TENM4: variants seen among roughly 807,000 people sequenced by gnomAD.
The protein encoded by TENM4 is teneurin transmembrane protein 4.
TENM4 carries 82 observed loss-of-function variants against 243.3 expected under a neutral mutation model. That is an observed-to-expected ratio of 0.34 (90% CI 0.28 to 0.40). The LOEUF (loss-of-function observed/expected upper bound fraction) is 0.40. TENM4 is among the 10% of genes least tolerant of loss of function. The probability of loss-of-function intolerance (pLI) is 1.00; values close to 1 mark genes in which losing one functional copy is unlikely to be tolerated. For synonymous variants in TENM4, 1,412 were observed against 1,456.3 expected (o/e 0.97, Z 0.69); for missense variants, 3,138 against 3,673.3 (o/e 0.85, Z 3.77).
At chr11:78,809,253 C>A (rs1353343161) in intron 14 of TENM4, among the ~76,000 whole-genome samples, 1 of 152,198 alleles carries the variant, frequency 6.6e-6, no homozygotes, top group East Asian at 1.9e-4. Flanking sequence ...TCAGAAGGAA[C>A]TGACGAGAGG....
intron 15 of TENM4, among the ~76,000 whole-genome samples, chr11:78,804,124 T>TTA: frequency 6.6e-6 from 1 of 152,346 alleles, no homozygotes; most frequent in East Asian, 1.9e-4. Context: ...CTCACTTTGT[T>TTA]TAAACAGCGT....
chr11:78,732,869 G>C (rs1168454874), intron 20 of TENM4, among the ~76,000 whole-genome samples: 1 of 152,182 alleles, frequency 6.6e-6, no homozygotes, highest in African/African-American at 2.4e-5. Context: ...GGTGCTGCTG[G>C]TACTTAGGGC....
chr11:79,376,345 G>A (rs924832645), intron 1 of TENM4, among the ~76,000 whole-genome samples: 11 of 152,194 alleles, frequency 7.2e-5, no homozygotes, highest in African/African-American at 2.4e-4. Flanking sequence ...GAAAATGAAC[G>A]ATTGGGCAAC....
At chr11:78,690,410 G>T (rs1858791940) in intron 28 of TENM4, among the ~76,000 whole-genome samples, 1 of 152,124 alleles carries the variant, frequency 6.6e-6, no homozygotes, top group South Asian at 2.1e-4. Context: ...GTTATCTCTG[G>T]GAGGTAGAAT....
chr11:78,964,495 G>A (rs1857399837), intron 6 of TENM4, among the ~76,000 whole-genome samples: 1 of 152,054 alleles, frequency 6.6e-6, no homozygotes, highest in African/African-American at 2.4e-5. Flanking sequence ...ACAACCTCTG[G>A]GTGGCTTCTT....
intron 10 of TENM4, among the ~76,000 whole-genome samples, chr11:78,857,545 T>C (rs1357625805): frequency 6.6e-6 from 1 of 152,198 alleles, no homozygotes; most frequent in Non-Finnish European, 1.5e-5. Flanking sequence ...CCTTATAAAC[T>C]CCTAGGCAGA....
chr11:78,850,970 A>G (rs555428769), intron 12 of TENM4, among the ~76,000 whole-genome samples: 49 of 152,348 alleles, frequency 3.2e-4, no homozygotes, highest in African/African-American at 1.2e-3. Context: ...TCCTTGACAG[A>G]ACACCAGAAT....
chr11:79,399,446 G>A (rs546131080), intron 1 of TENM4, among the ~76,000 whole-genome samples: 10 of 152,294 alleles, frequency 6.6e-5, no homozygotes, highest in African/African-American at 2.4e-4. Flanking sequence ...ACTGGGGAGT[G>A]GGAGAGCAAT....
intron 1 of TENM4, among the ~76,000 whole-genome samples, chr11:79,367,312 C>T (rs1044928256): frequency 2.0e-5 from 3 of 152,182 alleles, no homozygotes; most frequent in East Asian, 3.9e-4. Context: ...CTAGAATCCC[C>T]GATACTCTCA....
intron 33 of TENM4, among the ~76,000 whole-genome samples, chr11:78,661,045 A>G (rs1253983340): frequency 2.0e-5 from 3 of 152,326 alleles, no homozygotes; most frequent in Admixed American, 2.0e-4. Context: ...AATGAGAACA[A>G]TACGGCTGTG....
intron 6 of TENM4, among the ~76,000 whole-genome samples, chr11:79,021,251 CCATT>C (rs1858918769): frequency 6.6e-6 from 1 of 152,208 alleles, no homozygotes; most frequent in Non-Finnish European, 1.5e-5. Context: ...GAGCCATTTA[CCATT>C]CATTCACGGG....
At chr11:78,809,438 A>G (rs1478306801) in intron 14 of TENM4, among the ~76,000 whole-genome samples, 2 of 152,182 alleles carry the variant, frequency 1.3e-5, no homozygotes, top group Non-Finnish European at 2.9e-5. Context: ...CTTGTGCTCT[A>G]CTGATCCTAT....
chr11:79,370,439 T>C (rs1857759625), intron 1 of TENM4, among the ~76,000 whole-genome samples: 2 of 152,212 alleles, frequency 1.3e-5, no homozygotes, highest in African/African-American at 4.8e-5. Context: ...ACTCATTAAC[T>C]ATTCCCTCCA....
In TENM4 at chr11:79,384,585, C is replaced by G. The variant is rs529079624; in HGVS notation, c.-321+55924G>C. On this transcript the variant is annotated intron_variant, in intron 1 of 33. Coordinates refer to ENST00000278550, the MANE Select transcript of TENM4 (RefSeq NM_001098816.3). The stretch of plus-strand genomic sequence containing the variant: ...CTTCTTCCTTCTGACTCTCGGATTT[C>G]CCACCTGCACAGTGAGGCATTAAAA... Among the ~76,000 whole-genome samples the G allele has an allele frequency of 1.8e-4, 27 of 152,302 alleles. No individual in the cohort carries two copies. In the East Asian group the frequency reaches 2.5e-3, roughly 14 times the overall value.
chr11:79,183,811 T>A (rs10793373), intron 3 of TENM4, among the ~76,000 whole-genome samples: 78,603 of 152,088 alleles, frequency 0.52, 23,036 homozygotes, highest in African/African-American at 0.8. Context: ...CTCACTCTAT[T>A]CTTCATGTGC....
At chr11:79,255,388 C>T (rs1391774776) in intron 2 of TENM4, among the ~76,000 whole-genome samples, 1 of 152,210 alleles carries the variant, frequency 6.6e-6, no homozygotes, top group East Asian at 1.9e-4. Context: ...CCCTGCAAGC[C>T]TGCAGCCAGG....
At chr11:78,829,929 T>C (rs1205537373) in intron 12 of TENM4, among the ~76,000 whole-genome samples, 1 of 152,154 alleles carries the variant, frequency 6.6e-6, no homozygotes, top group Non-Finnish European at 1.5e-5. Context: ...GCCTGGATCT[T>C]GTCCTGGAAC....
At chr11:78,687,577 G>A (rs750216181) in intron 29 of TENM4, among the ~76,000 whole-genome samples, 41 of 152,266 alleles carry the variant, frequency 2.7e-4, no homozygotes, top group Middle Eastern at 3.4e-3. Context: ...AGACCAACCC[G>A]TAACAGGATG....
intron 1 of TENM4, among the ~76,000 whole-genome samples, chr11:79,310,735 T>G (rs1171496737): frequency 6.6e-6 from 1 of 152,000 alleles, no homozygotes; most frequent in African/African-American, 2.4e-5. Flanking sequence ...TATTTCCCCA[T>G]CCCCTTCACT....
Sources: allele counts gnomAD v4.1 joint callset (sites outside exome capture counted in the v4.1 genomes callset), GRCh38; gene constraint gnomAD v4.1.1; transcripts MANE v1.5; gene names NCBI Gene and HGNC (gene_info 2026-07-23, HGNC 2026-07-21).